CFAP47: variants seen among roughly 807,000 people sequenced by gnomAD.
CFAP47 encodes the protein cilia- and flagella-associated protein 47.
A neutral mutation model predicts 148.1 loss-of-function variants in CFAP47; 29 were observed. That is an observed-to-expected ratio of 0.20 (90% CI 0.15 to 0.27). The LOEUF (loss-of-function observed/expected upper bound fraction) is 0.27, where lower values mean the gene tolerates loss of function less well. Ranked by LOEUF, CFAP47 falls within the 10% of genes least tolerant of loss-of-function variation. The pLI is 1.00. For missense variants in CFAP47, 1,872 were observed against 1,697.5 expected, an observed-to-expected ratio of 1.10 and a Z score of -1.81; for synonymous variants, 664 against 577.3, an observed-to-expected ratio of 1.15 and a Z score of -2.15.
At chrX:36,214,307 T>C (rs1940135399) in intron 45 of CFAP47, among the ~76,000 whole-genome samples, 2 of 111,721 alleles carry the variant, frequency 1.8e-5, no homozygotes, top group South Asian at 7.4e-4. Context: ...ATACTTACCA[T>C]GTATGGAACC....
intron 13 of CFAP47, among the ~76,000 whole-genome samples, chrX:35,974,822 A>C (rs751246110): frequency 9.0e-6 from 1 of 111,279 alleles, no homozygotes; most frequent in South Asian, 3.8e-4. Flanking sequence ...AAATACTTGT[A>C]CTAGTGGGAA....
intron 35 of CFAP47, among the ~76,000 whole-genome samples, chrX:36,140,038 TC>T (rs1229129670): frequency 8.1e-5 from 9 of 111,546 alleles, no homozygotes; most frequent in Non-Finnish European, 1.7e-4. Context: ...ATATTACAAT[TC>T]CCATAAATTC....
At chrX:36,223,058 A>T (rs2146896807) in intron 45 of CFAP47, among the ~76,000 whole-genome samples, 1 of 109,070 alleles carries the variant, frequency 9.2e-6, no homozygotes, top group South Asian at 3.9e-4. Context: ...ACCTCCCCCT[A>T]CTCTCTTCTC....
At chrX:36,029,735 TGTATATATATGC>T (rs1317927760) in intron 22 of CFAP47, among the ~76,000 whole-genome samples, 1 of 110,206 alleles carries the variant, frequency 9.1e-6, no homozygotes, top group Admixed American at 9.7e-5. Context: ...GTCATATATG[TGTATATATATGC>T]GTATATATAT....
intron 57 of CFAP47, among the ~76,000 whole-genome samples, chrX:36,325,354 G>A (rs1556012843): frequency 9.0e-6 from 1 of 111,722 alleles, no homozygotes; most frequent in Non-Finnish European, 1.9e-5. Context: ...AGAACTCACA[G>A]ACAGTACGTG....
chrX:36,057,426 A>T (rs1269591306), intron 26 of CFAP47, among the ~76,000 whole-genome samples: 2 of 111,835 alleles, frequency 1.8e-5, no homozygotes, highest in Non-Finnish European at 3.8e-5. Context: ...TAGCAAGTCA[A>T]ACATCAACAA....
intron 6 of CFAP47, among the ~76,000 whole-genome samples, chrX:35,952,760 T>A (rs1433106292): frequency 8.9e-6 from 1 of 112,022 alleles, no homozygotes; most frequent in East Asian, 2.8e-4. Context: ...GTAGTTTCTT[T>A]GGTGAATCTG....
intron 39 of CFAP47, among the ~76,000 whole-genome samples, chrX:36,168,562 A>T (rs1227477170): frequency 9.1e-6 from 1 of 110,463 alleles, no homozygotes; most frequent in Non-Finnish European, 1.9e-5. Flanking sequence ...ACTCCTGCTT[A>T]TTTTACGCTT....
chrX:35,934,696 G>T (rs912826976), intron 2 of CFAP47, among the ~76,000 whole-genome samples: 10 of 111,025 alleles, frequency 9.0e-5, no homozygotes, highest in African/African-American at 2.6e-4. Context: ...AAGTTTCCAA[G>T]TGTCACCCAA....
intron 40 of CFAP47, among the ~76,000 whole-genome samples, chrX:36,183,609 C>T (rs1316205996): frequency 3.6e-5 from 4 of 111,835 alleles, no homozygotes; most frequent in Non-Finnish European, 5.6e-5. Context: ...ATGATAGACT[C>T]GTCTACTTAA....
At chrX:36,175,898 C>T (rs1033601678) in intron 39 of CFAP47, among the ~76,000 whole-genome samples, 5 of 113,306 alleles carry the variant, frequency 4.4e-5, no homozygotes, top group Admixed American at 1.9e-4. Flanking sequence ...CCTCCCCCAG[C>T]CTCGCTGCCG....
intron 48 of CFAP47, among the ~76,000 whole-genome samples, chrX:36,250,527 T>G (rs1940678504): frequency 9.1e-6 from 1 of 110,449 alleles, no homozygotes; most frequent in Admixed American, 9.7e-5. Flanking sequence ...TATAACAACG[T>G]ACTGTATTCT....
chrX:36,379,661 C>A, intron 63 of CFAP47, 143 bp downstream of exon 63: 1 of 487,417 alleles, frequency 2.1e-6, no homozygotes, highest in Non-Finnish European at 3.5e-6. Flanking sequence ...TCAACTGCTA[C>A]ATCTTGGTTT....
chrX:36,181,710 G>T (rs1300017251), intron 40 of CFAP47, among the ~76,000 whole-genome samples: 2 of 112,096 alleles, frequency 1.8e-5, no homozygotes, highest in African/African-American at 6.5e-5. Context: ...TCAGGCTCAT[G>T]CAGATTAACT....
intron 29 of CFAP47, among the ~76,000 whole-genome samples, chrX:36,081,034 T>G (rs1417361814): frequency 9.0e-6 from 1 of 111,019 alleles, no homozygotes; most frequent in Non-Finnish European, 1.9e-5. Context: ...CAAAAATATA[T>G]GCAAAGAATC....
intron 44 of CFAP47, among the ~76,000 whole-genome samples, chrX:36,203,978 CTG>C (rs1445602324): frequency 8.9e-6 from 1 of 111,897 alleles, no homozygotes; most frequent in Non-Finnish European, 1.9e-5. Context: ...AGGCCTCAGT[CTG>C]TGCTACTAAT....
chrX:35,949,848 T>G (rs1180914545), intron 4 of CFAP47, among the ~76,000 whole-genome samples: 1 of 112,103 alleles, frequency 8.9e-6, no homozygotes, highest in African/African-American at 3.2e-5. Flanking sequence ...CCTTTGAGTT[T>G]TATATCAGCA....
At chrX:35,932,568 T>C (rs1201973342) in intron 2 of CFAP47, among the ~76,000 whole-genome samples, 3 of 110,601 alleles carry the variant, frequency 2.7e-5, no homozygotes, top group Non-Finnish European at 5.7e-5. Flanking sequence ...ATTTTTTTCT[T>C]TCTGATACTC....
chrX:36,161,038 G>T lies in CFAP47; in HGVS notation c.6026+269G>T, dbSNP rs1207551378. On this transcript the variant is annotated intron_variant, in intron 39 of 63. Coordinates refer to ENST00000378653, the MANE Select transcript of CFAP47 (RefSeq NM_001304548.2). Reference sequence around the variant, plus strand: ...AATTTTTGTATTTTTAGTAGAGATGGGGTTTCACCATGTTGGCCAGGATGA... The same window carrying T: ...AATTTTTGTATTTTTAGTAGAGATGTGGTTTCACCATGTTGGCCAGGATGA... Among the ~76,000 whole-genome samples, 3 of 109,352 alleles carry T rather than the reference G, an allele frequency of 2.7e-5. No individual in the cohort carries two copies. The South Asian group carries it at 1.2e-3, about 43-fold the overall frequency. The allele number at this position is 109,352 out of a possible 115,157, so 95.0% of individuals were successfully genotyped here.
Sources: gnomAD v4.1 joint callset for allele counts (sites outside exome capture counted in the v4.1 genomes callset) on GRCh38, gnomAD v4.1.1 for gene constraint, MANE v1.5 for transcripts, NCBI Gene and HGNC (gene_info 2026-07-23, HGNC 2026-07-21) for gene names.